The following TTC28 variants were observed in gnomAD, a reference collection of about 807,000 sequenced individuals.
TTC28 encodes tetratricopeptide repeat domain 28.
A neutral mutation model predicts 198.0 loss-of-function variants in TTC28; 61 were observed. The ratio of observed to expected loss-of-function variants is 0.31; its 90% CI spans 0.25 to 0.38. TTC28 has a LOEUF of 0.38. TTC28 is among the 10% of genes least tolerant of loss of function. TTC28 has a pLI of 1.00. For missense variants in TTC28, 2,678 were observed against 3,164.0 expected (o/e 0.85, Z 3.69); for synonymous variants, 1,171 against 1,297.8 (o/e 0.90, Z 2.10).
chr22:28,329,366 G>A (rs922502186), intron 2 of TTC28, among the ~76,000 whole-genome samples: 7 of 151,488 alleles, frequency 4.6e-5, no homozygotes, highest in Admixed American at 1.3e-4. Flanking sequence ...AGGATCTTAC[G>A]TACTTTAAAT....
intron 2 of TTC28, among the ~76,000 whole-genome samples, chr22:28,537,135 T>C (rs2049296891): frequency 6.7e-6 from 1 of 148,766 alleles, no homozygotes; most frequent in Non-Finnish European, 1.5e-5. Flanking sequence ...CTATTAAAAA[T>C]ATAAAAAATT....
intron 5 of TTC28, among the ~76,000 whole-genome samples, chr22:28,190,265 T>C (rs1480711388): frequency 6.6e-6 from 1 of 152,216 alleles, no homozygotes; most frequent in African/African-American, 2.4e-5. Context: ...TATTAATGCA[T>C]TTAATCTTCA....
rs562149817 is a variant in TTC28, at chr22:28,386,761, T to C, written c.382-80118A>G. Among the ~76,000 whole-genome samples the C allele has an allele frequency of 2.6e-5, 4 of 152,322 alleles. No homozygotes were observed. The South Asian group carries it at 6.2e-4, about 24-fold the overall frequency. On this transcript the variant is annotated intron_variant, in intron 2 of 22. Transcript: ENST00000397906. Reference sequence around the variant, plus strand: ...CTGCATTTTGTCACTTCTTGCAGTGTTTCCTTGAGACATTTTTAAACTTTC... The same window carrying C: ...CTGCATTTTGTCACTTCTTGCAGTGCTTCCTTGAGACATTTTTAAACTTTC...
At chr22:28,513,274 G>T (rs939795849) in intron 2 of TTC28, among the ~76,000 whole-genome samples, 4 of 152,140 alleles carry the variant, frequency 2.6e-5, no homozygotes, top group African/African-American at 9.7e-5. Flanking sequence ...CCCAAATGCA[G>T]AATGAAAAGA....
At chr22:28,386,825 T>G (rs2046607954) in intron 2 of TTC28, among the ~76,000 whole-genome samples, 1 of 152,102 alleles carries the variant, frequency 6.6e-6, no homozygotes, top group Non-Finnish European at 1.5e-5. Flanking sequence ...TTTTTTTGTT[T>G]TTTTGTTTTG....
At chr22:28,043,117 A>AGGTG (rs1939721398) in intron 12 of TTC28, among the ~76,000 whole-genome samples, 2 of 151,688 alleles carry the variant, frequency 1.3e-5, no homozygotes, top group African/African-American at 4.8e-5. Context: ...GGTGGTGGGC[A>AGGTG]CCTGTAATCC....
intron 2 of TTC28, among the ~76,000 whole-genome samples, chr22:28,385,013 C>A (rs535122250): frequency 6.6e-6 from 1 of 151,164 alleles, no homozygotes; most frequent in Admixed American, 6.6e-5. Context: ...TGGTGGCATG[C>A]GACTGTAATC....
intron 2 of TTC28, among the ~76,000 whole-genome samples, chr22:28,468,040 G>C (rs2048047903): frequency 6.6e-6 from 1 of 152,084 alleles, no homozygotes. Flanking sequence ...CAAAGTGCTA[G>C]GATATTACAG....
intron 2 of TTC28, among the ~76,000 whole-genome samples, chr22:28,626,976 A>C (rs2051085838): frequency 6.6e-6 from 1 of 152,106 alleles, no homozygotes; most frequent in African/African-American, 2.4e-5. Flanking sequence ...GAAAAATGAA[A>C]AAGATAAAAG....
chr22:28,056,905 T>G (rs934962831), intron 12 of TTC28, among the ~76,000 whole-genome samples: 17 of 152,344 alleles, frequency 1.1e-4, no homozygotes, highest in African/African-American at 4.1e-4. Flanking sequence ...TATGCTCTTC[T>G]GGGTAAGGTT....
chr22:28,167,476 A>G (rs2147070939), intron 5 of TTC28, among the ~76,000 whole-genome samples: 1 of 152,346 alleles, frequency 6.6e-6, no homozygotes, highest in Non-Finnish European at 1.5e-5. Flanking sequence ...ATACACCACG[A>G]TCACGTGGAC....
intron 2 of TTC28, among the ~76,000 whole-genome samples, chr22:28,308,148 C>T (rs2145813658): frequency 6.6e-6 from 1 of 152,246 alleles, no homozygotes; most frequent in Non-Finnish European, 1.5e-5. Context: ...AGATAATAAC[C>T]TGTAAATGCA....
intron 6 of TTC28, among the ~76,000 whole-genome samples, chr22:28,141,604 T>C (rs1473552418): frequency 1.3e-5 from 2 of 152,164 alleles, no homozygotes; most frequent in African/African-American, 4.8e-5. Context: ...CTCATTAATA[T>C]TTCTACTAAG....
At chr22:28,413,423 T>G (rs1319153107) in intron 2 of TTC28, among the ~76,000 whole-genome samples, 1 of 148,748 alleles carries the variant, frequency 6.7e-6, no homozygotes, top group Non-Finnish European at 1.5e-5. Flanking sequence ...GTCTTAAAAT[T>G]AAAAAAAAAA....
chr22:28,101,782 TA>T (rs11459818), intron 8 of TTC28, among the ~76,000 whole-genome samples: 2,314 of 53,090 alleles, frequency 0.044, 54 homozygotes, highest in African/African-American at 0.085. Flanking sequence ...CCATCTCTGT[TA>T]AAAAAAAAAA....
intron 2 of TTC28, among the ~76,000 whole-genome samples, chr22:28,356,930 A>G (rs2046086215): frequency 6.6e-6 from 1 of 152,132 alleles, no homozygotes; most frequent in African/African-American, 2.4e-5. Context: ...TGAGCATGAG[A>G]CCCCATGCAA....
At chr22:28,100,996 A>G (rs1164395619) in intron 9 of TTC28, among the ~76,000 whole-genome samples, 175 bp downstream of exon 9, 1 of 152,236 alleles carries the variant, frequency 6.6e-6, no homozygotes, top group Non-Finnish European at 1.5e-5. Context: ...GTGAGCAAAA[A>G]TCTTTACTAA....
At chr22:28,134,105 G>A (rs1027315975) in intron 6 of TTC28, among the ~76,000 whole-genome samples, 1 of 152,216 alleles carries the variant, frequency 6.6e-6, no homozygotes, top group South Asian at 2.1e-4. Flanking sequence ...AACAGGGTCT[G>A]GAGTGGACTC....
chr22:28,455,377 T>C (rs1226766933), intron 2 of TTC28, among the ~76,000 whole-genome samples: 1 of 152,208 alleles, frequency 6.6e-6, no homozygotes, highest in African/African-American at 2.4e-5. Flanking sequence ...TTAACATTTC[T>C]CCTAAGCAGT....
Sources: gnomAD v4.1 joint callset for allele counts (sites outside exome capture counted in the v4.1 genomes callset) on GRCh38, gnomAD v4.1.1 for gene constraint, MANE v1.5 for transcripts, NCBI Gene and HGNC (gene_info 2026-07-23, HGNC 2026-07-21) for gene names.